PCDH9: variants seen among roughly 807,000 people sequenced by gnomAD.
PCDH9 encodes protocadherin 9.
PCDH9 carries 24 observed loss-of-function variants against 70.6 expected under a neutral mutation model. The observed-to-expected ratio is 0.34, with a 90% CI of 0.25 to 0.48. The LOEUF is 0.48. Among genes scored for constraint, PCDH9 ranks in the 20% least tolerant of loss-of-function variants. The pLI is 0.99. For missense variants in PCDH9, 1,281 were observed against 1,503.6 expected, an observed-to-expected ratio of 0.85 and a Z score of 2.45; for synonymous variants, 562 against 558.5, an observed-to-expected ratio of 1.01 and a Z score of -0.09.
At chr13:66,859,792 G>T (rs1165591170) in intron 3 of PCDH9, among the ~76,000 whole-genome samples, 2 of 152,110 alleles carry the variant, frequency 1.3e-5, no homozygotes, top group Non-Finnish European at 2.9e-5. Flanking sequence ...ATTCATGCTG[G>T]TGTCATTGTC....
At chr13:67,160,401 G>A (rs1381068747) in intron 2 of PCDH9, among the ~76,000 whole-genome samples, 1 of 152,016 alleles carries the variant, frequency 6.6e-6, no homozygotes, top group Non-Finnish European at 1.5e-5. Context: ...AAAAAAATTA[G>A]CCGGGCGTGG....
intron 4 of PCDH9, among the ~76,000 whole-genome samples, chr13:66,400,041 C>G (rs1957161808): frequency 6.6e-6 from 1 of 152,128 alleles, no homozygotes; most frequent in African/African-American, 2.4e-5. Flanking sequence ...ATTGTTAACC[C>G]TCTAACAGCT....
At chr13:67,180,846 A>G (rs1400125198) in intron 2 of PCDH9, among the ~76,000 whole-genome samples, 1 of 152,106 alleles carries the variant, frequency 6.6e-6, no homozygotes, top group Non-Finnish European at 1.5e-5. Context: ...AACATTTCTC[A>G]CTGATAAGCA....
chr13:66,504,087 C>T (rs1477858052), intron 4 of PCDH9, among the ~76,000 whole-genome samples: 3 of 152,160 alleles, frequency 2.0e-5, no homozygotes, highest in African/African-American at 7.2e-5. Flanking sequence ...ACCCTTAATT[C>T]CCTGCCTCTC....
chr13:67,193,941 A>G (rs1007501748), intron 2 of PCDH9, among the ~76,000 whole-genome samples: 3 of 152,164 alleles, frequency 2.0e-5, no homozygotes, highest in Non-Finnish European at 2.9e-5. Context: ...TTTAAGTTAC[A>G]CATACATACA....
intron 3 of PCDH9, among the ~76,000 whole-genome samples, chr13:66,871,128 T>C (rs932310633): frequency 7.9e-5 from 12 of 151,346 alleles, no homozygotes; most frequent in Middle Eastern, 3.4e-3. Flanking sequence ...CTCAGTAAAC[T>C]ATCGCAAGAA....
intron 2 of PCDH9, among the ~76,000 whole-genome samples, chr13:66,912,970 G>A (rs1012094991): frequency 2.0e-5 from 3 of 151,988 alleles, no homozygotes; most frequent in Non-Finnish European, 2.9e-5. Context: ...AACCTTCAAC[G>A]TAATGTTAGC....
chr13:66,883,335 G>A (rs1409129426), intron 3 of PCDH9, among the ~76,000 whole-genome samples: 1 of 152,134 alleles, frequency 6.6e-6, no homozygotes, highest in Non-Finnish European at 1.5e-5. Flanking sequence ...CAGTGTCACA[G>A]GTGTGTTGCC....
intron 2 of PCDH9, among the ~76,000 whole-genome samples, chr13:67,059,800 C>T (rs904731171): frequency 1.3e-5 from 2 of 151,686 alleles, no homozygotes; most frequent in African/African-American, 4.8e-5. Flanking sequence ...ATCAGTTTCT[C>T]AGAGGTGTTT....
chr13:66,351,466 T>C (rs1413450986), intron 4 of PCDH9, among the ~76,000 whole-genome samples: 6 of 152,144 alleles, frequency 3.9e-5, no homozygotes, highest in African/African-American at 1.2e-4. Flanking sequence ...AGACGTTCGA[T>C]TTATAATTGT....
At chr13:66,946,360 A>G (rs1234015913) in intron 2 of PCDH9, among the ~76,000 whole-genome samples, 1 of 152,142 alleles carries the variant, frequency 6.6e-6, no homozygotes, top group African/African-American at 2.4e-5. Flanking sequence ...TATAGCATCC[A>G]AGCTGCACAC....
chr13:66,980,273 T>A (rs932357960), intron 2 of PCDH9, among the ~76,000 whole-genome samples: 1 of 152,002 alleles, frequency 6.6e-6, no homozygotes, highest in Non-Finnish European at 1.5e-5. Flanking sequence ...CCCCATTCAA[T>A]CCATCCAGAG....
intron 3 of PCDH9, among the ~76,000 whole-genome samples, chr13:66,829,866 C>T (rs143167752): frequency 6.6e-6 from 1 of 150,932 alleles, no homozygotes; most frequent in Non-Finnish European, 1.5e-5. Context: ...TTCAGAAATC[C>T]AAAGTTTGGA....
intron 4 of PCDH9, among the ~76,000 whole-genome samples, chr13:66,414,659 G>T (rs768002543): frequency 2.0e-5 from 3 of 152,278 alleles, no homozygotes; most frequent in South Asian, 4.1e-4. Context: ...ACTAAATACT[G>T]CTGAAAATGC....
intron 2 of PCDH9, among the ~76,000 whole-genome samples, chr13:67,054,054 C>G (rs970300174): frequency 1.3e-5 from 2 of 152,146 alleles, no homozygotes; most frequent in African/African-American, 2.4e-5. Context: ...CACCACATCC[C>G]TACGTTGGGA....
intron 2 of PCDH9, chr13:66,996,354 A>G (rs1160510325): frequency 6.7e-6 from 1 of 149,118 alleles, no homozygotes; most frequent in East Asian, 1.9e-4. Context: ...ATTAGTGTTT[A>G]AAAAAAAAAG....
chr13:66,365,520 T>C (rs539784926), intron 4 of PCDH9, among the ~76,000 whole-genome samples: 1 of 152,338 alleles, frequency 6.6e-6, no homozygotes, highest in South Asian at 2.1e-4. Context: ...TCAGATGAGG[T>C]ATTACTTTAA....
chr13:67,194,565 A>G (rs2089008399), intron 2 of PCDH9, among the ~76,000 whole-genome samples: 1 of 152,202 alleles, frequency 6.6e-6, no homozygotes, highest in African/African-American at 2.4e-5. Flanking sequence ...TGGCAGCTTA[A>G]GTTTAAAAGC....
chr13:67,166,260 T>C (rs990249448), intron 2 of PCDH9, among the ~76,000 whole-genome samples: 1 of 152,180 alleles, frequency 6.6e-6, no homozygotes, highest in African/African-American at 2.4e-5. Flanking sequence ...TTCTTTTCAA[T>C]TAGATATGGA....
Sources: allele counts gnomAD v4.1 joint callset (sites outside exome capture counted in the v4.1 genomes callset), GRCh38; gene constraint gnomAD v4.1.1; transcripts MANE v1.5; gene names NCBI Gene and HGNC (gene_info 2026-07-23, HGNC 2026-07-21).